IQSEC2: variants seen among roughly 807,000 people sequenced by gnomAD.
IQSEC2 encodes IQ motif and SEC7 domain-containing protein 2.
Under a neutral mutation model 74.6 loss-of-function variants are expected in IQSEC2, and 6 were observed. That is an observed-to-expected ratio of 0.08 (90% CI 0.04 to 0.16). IQSEC2 has a LOEUF of 0.16. IQSEC2 is among the 10% of genes least tolerant of loss of function. IQSEC2 has a pLI of 1.00. For synonymous variants in IQSEC2, 494 were observed against 544.5 expected, an observed-to-expected ratio of 0.91 and a Z score of 1.29; for missense variants, 734 against 1,306.2, an observed-to-expected ratio of 0.56 and a Z score of 6.75.
At chrX:53,283,079 G>T (rs782600238) in intron 2 of IQSEC2, among the ~76,000 whole-genome samples, 29 of 112,014 alleles carry the variant, frequency 2.6e-4, no homozygotes, top group Non-Finnish European at 4.7e-4. Context: ...AGCCAGGCAT[G>T]GTGGTGCACA....
chrX:53,256,145 C>T (rs1602294129), intron 2 of IQSEC2, 84 bp from the exon 3 acceptor site: 6 of 925,379 alleles, frequency 6.5e-6, no homozygotes, highest in Middle Eastern at 4.3e-4. Flanking sequence ...TGAGCCAGAT[C>T]CCTGCCCCCC....
intron 2 of IQSEC2, among the ~76,000 whole-genome samples, chrX:53,278,003 C>CTTTTTTTTTTTT (rs36027805): frequency 1.6e-3 from 60 of 37,563 alleles, no homozygotes; most frequent in South Asian, 9.7e-3. Flanking sequence ...TTTTCTTTTT[C>CTTTTTTTTTTTT]TTTTTTTTTT....
intron 2 of IQSEC2, among the ~76,000 whole-genome samples, chrX:53,285,737 A>C (rs782200751): frequency 8.9e-6 from 1 of 112,635 alleles, no homozygotes; most frequent in South Asian, 3.7e-4. Flanking sequence ...TATTAAAAAT[A>C]ACAGCACCTG....
intron 1 of IQSEC2, among the ~76,000 whole-genome samples, chrX:53,293,164 G>A (rs1164235270): frequency 9.8e-5 from 11 of 112,348 alleles, no homozygotes; most frequent in African/African-American, 1.9e-4. Context: ...CCCCGCTGGC[G>A]AGGTGGGGCA....
chrX:53,291,951 C>A lies in IQSEC2; in HGVS notation c.708-27G>T, dbSNP rs1460802532. On this transcript the variant is annotated intron_variant, in intron 1 of 14. Transcript: ENST00000642864. ...TGAAAGGGAAACAGAGAAAAAAAACCAAAACGGTCAGTATACGCTCTCTTC... is the reference window on the plus strand; with the variant it reads ...TGAAAGGGAAACAGAGAAAAAAAACAAAAACGGTCAGTATACGCTCTCTTC... 2.6e-6 allele frequency: 3 copies of A among 1,159,156 alleles called. No individual in the cohort carries two copies. The South Asian group carries it at 5.7e-5, about 22-fold the overall frequency.
At chrX:53,259,231 A>C (rs1338581957) in intron 2 of IQSEC2, among the ~76,000 whole-genome samples, 1 of 106,890 alleles carries the variant, frequency 9.4e-6, no homozygotes, top group Non-Finnish European at 1.9e-5. Flanking sequence ...CTAGCTGGGC[A>C]CAGTGGCTTA....
At chrX:53,248,970 T>C in intron 5 of IQSEC2, 88 bp from the exon 6 acceptor site, 2 of 955,128 alleles carry the variant, frequency 2.1e-6, no homozygotes, top group East Asian at 3.3e-5. Context: ...TGGGCCCAAC[T>C]AAGTCCGGCC....
At chrX:53,258,371 A>C (rs1215745342) in intron 2 of IQSEC2, among the ~76,000 whole-genome samples, 6 of 111,874 alleles carry the variant, frequency 5.4e-5, no homozygotes, top group Non-Finnish European at 9.4e-5. Flanking sequence ...GAATTTGATA[A>C]TCTCCCAGCT....
chrX:53,235,906 C>T, intron 13 of IQSEC2, 74 bp from the exon 14 acceptor site: 2 of 1,019,665 alleles, frequency 2.0e-6, no homozygotes, highest in Admixed American at 2.7e-5. Flanking sequence ...CAGAGCTGGG[C>T]ACCAGGACTG....
intron 2 of IQSEC2, among the ~76,000 whole-genome samples, chrX:53,270,415 C>T (rs1479477361): frequency 2.7e-5 from 3 of 110,880 alleles, no homozygotes. Context: ...ACTCTTGCCT[C>T]GGGGCCTTTA....
chrX:53,281,387 G>A (rs936859067), intron 2 of IQSEC2: 4 of 453,001 alleles, frequency 8.8e-6, no homozygotes, highest in Non-Finnish European at 1.5e-5. Context: ...AGTCCAAGAA[G>A]GGAGCCAGGA....
At chrX:53,238,478 C>G (rs1385506675) in intron 11 of IQSEC2, among the ~76,000 whole-genome samples, 172 bp from the exon 12 acceptor site, 1 of 110,907 alleles carries the variant, frequency 9.0e-6, no homozygotes, top group Non-Finnish European at 1.9e-5. Flanking sequence ...CTCCTGGGCT[C>G]AAGTGATCCT....
chrX:53,288,546 C>T (rs782155468), intron 2 of IQSEC2, among the ~76,000 whole-genome samples: 1 of 111,861 alleles, frequency 8.9e-6, no homozygotes, highest in African/African-American at 3.3e-5. Flanking sequence ...TGGTGAGGGC[C>T]TCATCAGGCC....
At chrX:53,236,300 G>A (rs2147013638) in intron 13 of IQSEC2, 22 bp downstream of exon 13, 1 of 1,197,127 alleles carries the variant, frequency 8.4e-7, no homozygotes, top group South Asian at 1.8e-5. Context: ...CCCCAGCCAG[G>A]GCAGGGGCCC....
rs782387302 is a variant in IQSEC2 at position 53,254,265 on chromosome X, G to T, written c.1401+265C>A. ...GAATCACTTGAACCCAGGAGGCAGAGGTTACAGTGAGCCAAGATCGTGCCA... is the reference window on the plus strand; with the variant it reads ...GAATCACTTGAACCCAGGAGGCAGATGTTACAGTGAGCCAAGATCGTGCCA... On this transcript the variant is annotated intron_variant, in intron 4 of 14. Coordinates refer to ENST00000642864, the MANE Select transcript of IQSEC2 (RefSeq NM_001111125.3). Among the ~76,000 whole-genome samples, 26 of 106,862 alleles carry T rather than the reference G, an allele frequency of 2.4e-4. No homozygotes were observed. In the East Asian group the frequency reaches 5.3e-3, roughly 22 times the overall value. The allele number at this position is 106,862 out of a possible 115,157, so 92.8% of individuals were successfully genotyped here.
intron 14 of IQSEC2, 44 bp from the exon 15 acceptor site, chrX:53,235,228 A>G: frequency 8.6e-7 from 1 of 1,161,349 alleles, no homozygotes; most frequent in Non-Finnish European, 1.1e-6. Flanking sequence ...TAGATGCCCT[A>G]AACCCCCAGC....
Position 53,234,136 on chromosome X carries a change from A to C in IQSEC2, c.*83T>G. ...CTATGTGTATATATATTTTTGAAAA[A>C]ACCGAGGAAGCAAAGAGGGTGCAAG... On this transcript the variant is annotated 3_prime_UTR_variant, in exon 15 of 15. Transcript: ENST00000642864. 2.6e-6 allele frequency: 1 copy of C among 386,618 alleles called. No individual in the cohort carries two copies. The highest frequency in any genetic ancestry group is 8.7e-5 in the South Asian group (1 of 11,498). The allele number at this position is 386,618 out of a possible 1,213,427, so 31.9% of individuals were successfully genotyped here.
downstream of IQSEC2, among the ~76,000 whole-genome samples, chrX:53,228,208 G>C (rs898525275): frequency 8.9e-6 from 1 of 112,159 alleles, no homozygotes; most frequent in Non-Finnish European, 1.9e-5. Context: ...CCATCCTACA[G>C]ATGAGGAAAC....
chrX:53,256,488 G>A (rs782137776), intron 2 of IQSEC2, among the ~76,000 whole-genome samples: 2 of 109,834 alleles, frequency 1.8e-5, no homozygotes, highest in South Asian at 3.9e-4. Flanking sequence ...CCAACGCAGT[G>A]CTCGCTGTGA....
Sources: gnomAD v4.1 joint callset for allele counts (sites outside exome capture counted in the v4.1 genomes callset) on GRCh38, gnomAD v4.1.1 for gene constraint, MANE v1.5 for transcripts, NCBI Gene and HGNC (gene_info 2026-07-23, HGNC 2026-07-21) for gene names.